The following PLXNA4 variants were observed in gnomAD, a reference collection of about 807,000 sequenced individuals.
The protein encoded by PLXNA4 is plexin-A4.
PLXNA4 carries 44 observed loss-of-function variants against 191.8 expected under a neutral mutation model. The ratio of observed to expected loss-of-function variants is 0.23; its 90% CI spans 0.18 to 0.29. The LOEUF is 0.29. PLXNA4 is among the 10% of genes least tolerant of loss of function. The pLI, the probability that PLXNA4 is intolerant of heterozygous loss-of-function variation, is 1.00. For missense variants in PLXNA4, 1,800 were observed against 2,488.8 expected (o/e 0.72, Z 5.89); for synonymous variants, 1,082 against 1,009.5 (o/e 1.07, Z -1.36).
At chr7:132,246,383 C>G (rs963079213) in intron 4 of PLXNA4, among the ~76,000 whole-genome samples, 1 of 152,200 alleles carries the variant, frequency 6.6e-6, no homozygotes, top group Non-Finnish European at 1.5e-5. Flanking sequence ...TTCTCAAGGT[C>G]TGGATACCTG....
chr7:132,261,045 T>C (rs1799623624), intron 4 of PLXNA4, among the ~76,000 whole-genome samples: 1 of 152,182 alleles, frequency 6.6e-6, no homozygotes, highest in African/African-American at 2.4e-5. Context: ...AAATAGTCTA[T>C]TCAAAAATAG....
chr7:132,298,156 G>A lies in PLXNA4; in HGVS notation c.1438C>T (p.Pro480Ser). The A allele has an allele frequency of 6.2e-7, 1 of 1,614,168 alleles. No individual in the cohort carries two copies. Among genetic ancestry groups the A allele is most frequent in the East Asian group, 2.2e-5 (1 of 44,878 alleles). Residue 480 changes from proline to serine, a missense_variant, in exon 4 of 32, where the codon CCA becomes TCA. Physicochemically the swap from Pro to Ser is moderately conservative, Grantham distance 74. Around this residue, in one of 6 missense-constraint regions of PLXNA4, gnomAD observed 1,397 missense variants for 1,880.4 expected, o/e 0.74. Coordinates refer to ENST00000321063, the MANE Select transcript of PLXNA4 (RefSeq NM_020911.2). ...YETVQVVDPG[P>S]VLRDMAFSKD... is the part of the protein sequence containing the mutation. ...GAGAAGGCCATATCCCGGAGGACTG[G>A]GCCGGGGTCCACCACCTGCACCGTC...
intron 2 of PLXNA4, among the ~76,000 whole-genome samples, chr7:132,644,959 A>C (rs1022449160): frequency 1.3e-5 from 2 of 152,126 alleles, no homozygotes; most frequent in Non-Finnish European, 2.9e-5. Context: ...TGAAAGCCTG[A>C]GGGTATTGGA....
intron 24 of PLXNA4, among the ~76,000 whole-genome samples, chr7:132,161,822 G>A (rs958919642): frequency 6.6e-6 from 1 of 152,144 alleles, no homozygotes; most frequent in African/African-American, 2.4e-5. Context: ...ATCTAGCATT[G>A]CCTGGTTCCA....
rs546937051 is a variant in PLXNA4, at chr7:132,181,065, A to G, written c.3492+316T>C. 7.2e-5 allele frequency among the ~76,000 whole-genome samples: 11 copies of G among 152,332 alleles called. 1 individual carries two copies. The highest frequency in any genetic ancestry group is 6.2e-4 in the South Asian group (3 of 4,830). ...TAACCCATGTTCCAAAGGAAGCCCT[A>G]TGCTGTGGTTCGCACAAGGCTGCCT... On this transcript the variant is annotated intron_variant, in intron 18 of 31. Transcript: ENST00000321063.
chr7:132,153,829 A>G (rs1795714274), intron 25 of PLXNA4, among the ~76,000 whole-genome samples: 1 of 152,180 alleles, frequency 6.6e-6, no homozygotes. Flanking sequence ...GCACCCACAC[A>G]TGTACACACA....
chr7:132,307,922 C>A (rs1417178785), intron 3 of PLXNA4, among the ~76,000 whole-genome samples: 1 of 152,130 alleles, frequency 6.6e-6, no homozygotes, highest in Non-Finnish European at 1.5e-5. Flanking sequence ...CCAAACACTG[C>A]CAGGACAATC....
intron 3 of PLXNA4, among the ~76,000 whole-genome samples, chr7:132,487,526 G>C (rs2117517018): frequency 6.6e-6 from 1 of 152,326 alleles, no homozygotes; most frequent in African/African-American, 2.4e-5. Flanking sequence ...CGAGCCATCT[G>C]ATTCACCTGC....
chr7:132,483,633 A>G (rs1797426944), intron 3 of PLXNA4, among the ~76,000 whole-genome samples: 1 of 152,134 alleles, frequency 6.6e-6, no homozygotes, highest in South Asian at 2.1e-4. Flanking sequence ...CTTCAATTTT[A>G]ATGTGTTTGC....
At chr7:132,186,838 C>T (rs1796894521) in intron 15 of PLXNA4, among the ~76,000 whole-genome samples, 1 of 152,166 alleles carries the variant, frequency 6.6e-6, no homozygotes, top group Non-Finnish European at 1.5e-5. Flanking sequence ...CCCCTCTTTG[C>T]CTGGGGACCA....
At chr7:132,339,020 C>T (rs991777658) in intron 3 of PLXNA4, among the ~76,000 whole-genome samples, 1 of 152,132 alleles carries the variant, frequency 6.6e-6, no homozygotes, top group African/African-American at 2.4e-5. Flanking sequence ...GGAATGGAAG[C>T]CCATGGACCC....
intron 2 of PLXNA4, among the ~76,000 whole-genome samples, chr7:132,504,486 C>T (rs1357212425): frequency 6.6e-6 from 1 of 152,074 alleles, no homozygotes. Context: ...CCTGAAGAGC[C>T]CCATGGGAGG....
chr7:132,279,844 T>C (rs1333669321), intron 4 of PLXNA4, among the ~76,000 whole-genome samples: 3 of 152,146 alleles, frequency 2.0e-5, no homozygotes, highest in African/African-American at 7.2e-5. Context: ...ATGATGACAT[T>C]AGCATGACTT....
chr7:132,159,313 C>A (rs1584776638), intron 25 of PLXNA4, among the ~76,000 whole-genome samples, 160 bp downstream of exon 25: 2 of 152,246 alleles, frequency 1.3e-5, no homozygotes, highest in Admixed American at 6.5e-5. Context: ...AGGAAGGCAA[C>A]CCCATGGGCT....
At chr7:132,167,543 T>A (rs1001057713) in intron 22 of PLXNA4, among the ~76,000 whole-genome samples, 3 of 151,458 alleles carry the variant, frequency 2.0e-5, no homozygotes, top group African/African-American at 7.3e-5. Context: ...TATTTTTTAA[T>A]TTTTTTTTAG....
intron 3 of PLXNA4, among the ~76,000 whole-genome samples, chr7:132,349,063 C>T (rs1047605121): frequency 1.3e-5 from 2 of 152,262 alleles, no homozygotes; most frequent in South Asian, 4.2e-4. Flanking sequence ...TGGTAGCCAT[C>T]CAACGCCGAA....
At chr7:132,203,284 T>G in intron 11 of PLXNA4, 39 bp downstream of exon 11, 3 of 1,426,830 alleles carry the variant, frequency 2.1e-6, no homozygotes, top group Non-Finnish European at 3.0e-6. Context: ...ACCCCATCCC[T>G]TCCCCTCCCT....
chr7:132,545,072 AT>A (rs542444163), intron 1 of PLXNA4, among the ~76,000 whole-genome samples: 3 of 152,000 alleles, frequency 2.0e-5, no homozygotes, highest in Non-Finnish European at 4.4e-5. Context: ...TAGCAAATGT[AT>A]TTTTTTTCTC....
chr7:132,329,548 G>T (rs2116687027), intron 3 of PLXNA4, among the ~76,000 whole-genome samples: 1 of 152,326 alleles, frequency 6.6e-6, no homozygotes, highest in South Asian at 2.1e-4. Flanking sequence ...AGCCTTAATT[G>T]TGGCTGCACT....
Sources: gnomAD v4.1 joint callset for allele counts (sites outside exome capture counted in the v4.1 genomes callset) on GRCh38, gnomAD v4.1.1 for gene constraint, gnomAD v4.1.1 regional missense constraint, MANE v1.5 for transcripts, NCBI Gene and HGNC (gene_info 2026-07-23, HGNC 2026-07-21) for gene names.